The following DECR1 variants were observed in gnomAD, a reference collection of about 807,000 sequenced individuals.
DECR1 encodes the protein 2,4-dienoyl-CoA reductase [(3E)-enoyl-CoA-producing], mitochondrial.
In DECR1, 44 loss-of-function variants were observed where a neutral mutation model predicts 38.8. The observed-to-expected ratio is 1.13, with a 90% CI of 0.89 to 1.46. The LOEUF is 1.46. Among genes scored for constraint, DECR1 ranks in the 40% most tolerant of loss-of-function variants. DECR1 has a pLI of 0.00. For missense variants in DECR1, 428 were observed against 405.5 expected (o/e 1.06, Z -0.48); for synonymous variants, 148 against 135.2 (o/e 1.09, Z -0.66).
intron 2 of DECR1, among the ~76,000 whole-genome samples, chr8:90,017,692 G>A (rs1306857944): frequency 1.3e-5 from 2 of 152,172 alleles, no homozygotes; most frequent in Non-Finnish European, 2.9e-5. Context: ...GGGAAGCTGA[G>A]GCAGGAAGAT....
intron 7 of DECR1, among the ~76,000 whole-genome samples, chr8:90,043,644 A>T (rs1190856486): frequency 6.6e-6 from 1 of 152,218 alleles, no homozygotes; most frequent in East Asian, 1.9e-4. Flanking sequence ...ATTAAAAATA[A>T]CTTGGAAATG....
intron 6 of DECR1, among the ~76,000 whole-genome samples, chr8:90,038,883 G>A (rs944598298): frequency 3.9e-5 from 6 of 152,148 alleles, no homozygotes; most frequent in Middle Eastern, 3.2e-3. Context: ...CATTTTTTAA[G>A]GTCAGGTAGT....
chr8:90,001,648 C>G (rs1812614821), intron 1 of DECR1, 87 bp downstream of exon 1: 1 of 1,295,528 alleles, frequency 7.7e-7, no homozygotes, highest in Non-Finnish European at 1.1e-6. Context: ...GCTCGGGGAG[C>G]GAGGACAAGG....
At chr8:90,025,164 C>A (rs1229106285) in intron 5 of DECR1, among the ~76,000 whole-genome samples, 2 of 152,190 alleles carry the variant, frequency 1.3e-5, no homozygotes, top group African/African-American at 4.8e-5. Context: ...ATGATGCCTC[C>A]AGCTTTGTTC....
intron 1 of DECR1, chr8:90,005,625 T>C: frequency 2.7e-6 from 1 of 364,196 alleles, no homozygotes; most frequent in Admixed American, 3.7e-5. Flanking sequence ...CAAGGAGAAC[T>C]GTTCATACCC....
chr8:90,004,128 A>T (rs962421472), intron 1 of DECR1, among the ~76,000 whole-genome samples: 1 of 151,836 alleles, frequency 6.6e-6, no homozygotes, highest in Non-Finnish European at 1.5e-5. Flanking sequence ...TAACTATCCA[A>T]CCTGATCAAC....
intron 2 of DECR1, among the ~76,000 whole-genome samples, 164 bp downstream of exon 2, chr8:90,017,490 G>T (rs1813037987): frequency 6.6e-6 from 1 of 152,156 alleles, no homozygotes; most frequent in South Asian, 2.1e-4. Context: ...TTTGGAAAAA[G>T]TTAGGTACTA....
intron 4 of DECR1, among the ~76,000 whole-genome samples, chr8:90,019,766 C>G (rs1205240629): frequency 6.6e-6 from 1 of 152,200 alleles, no homozygotes; most frequent in Admixed American, 6.5e-5. Context: ...TGTTGAGAAG[C>G]ACCTATTTTC....
rs749805745 is a variant in DECR1 at position 90,018,995 on chromosome 8, G to T, written c.330+29G>T. On this transcript the variant is annotated intron_variant, in intron 3 of 9. Coordinates refer to ENST00000220764, the MANE Select transcript of DECR1 (RefSeq NM_001359.2). ...CATTAAAAATCAGTTATTTAATTTA[G>T]ATTTAGGAATTATAACATGTTCAAA... 2.5e-6 allele frequency: 4 copies of T among 1,579,352 alleles called. No homozygotes were observed. The South Asian group carries it at 4.5e-5, about 18-fold the overall frequency.
chr8:90,003,609 T>C (rs1016963264), intron 1 of DECR1, among the ~76,000 whole-genome samples: 1 of 152,214 alleles, frequency 6.6e-6, no homozygotes, highest in Non-Finnish European at 1.5e-5. Context: ...CTGCCTTCAA[T>C]GTACTATAGT....
At chr8:90,049,197 TAAA>T (rs1014908850) in intron 8 of DECR1, among the ~76,000 whole-genome samples, 1 of 152,026 alleles carries the variant, frequency 6.6e-6, no homozygotes, top group African/African-American at 2.4e-5. Context: ...GCAGGAGAAA[TAAA>T]TAAAGGGTAT....
chr8:90,029,374 G>C (rs1337119468), intron 5 of DECR1: 1 of 152,158 alleles, frequency 6.6e-6, no homozygotes, highest in Non-Finnish European at 1.5e-5. Flanking sequence ...AAGAACCTCA[G>C]AGAATTTAAA....
At chr8:90,005,739 A>T in intron 1 of DECR1, 1 of 311,784 alleles carries the variant, frequency 3.2e-6, no homozygotes, top group East Asian at 8.1e-5. Flanking sequence ...TGGGTAATTT[A>T]TAAAGAAAAG....
chr8:90,041,351 T>G (rs1399948589), intron 6 of DECR1, among the ~76,000 whole-genome samples: 1 of 152,190 alleles, frequency 6.6e-6, no homozygotes, highest in Non-Finnish European at 1.5e-5. Context: ...TTTAAGTTCT[T>G]TAAGTTCTTT....
intron 6 of DECR1, among the ~76,000 whole-genome samples, chr8:90,039,114 T>C (rs1813687671): frequency 6.6e-6 from 1 of 152,188 alleles, no homozygotes; most frequent in South Asian, 2.1e-4. Flanking sequence ...TCTCATACTT[T>C]ATAGTACACA....
At chr8:90,027,060 C>A (rs558793024) in intron 5 of DECR1, among the ~76,000 whole-genome samples, 1 of 151,938 alleles carries the variant, frequency 6.6e-6, no homozygotes, top group Admixed American at 6.6e-5. Flanking sequence ...CCTGAGTTGT[C>A]GTTTGATTGC....
intron 7 of DECR1, among the ~76,000 whole-genome samples, chr8:90,043,957 C>T (rs560331771): frequency 1.1e-4 from 16 of 152,238 alleles, no homozygotes; most frequent in East Asian, 3.9e-4. Flanking sequence ...ACTGTATCTA[C>T]GGGTACTGAG....
intron 5 of DECR1, among the ~76,000 whole-genome samples, chr8:90,031,328 C>G (rs1813488095): frequency 6.6e-6 from 1 of 152,094 alleles, no homozygotes; most frequent in South Asian, 2.1e-4. Flanking sequence ...GTTAAGTTTC[C>G]TCCAAGATAA....
chr8:90,004,193 C>T (rs1288591277), intron 1 of DECR1, among the ~76,000 whole-genome samples: 4 of 151,632 alleles, frequency 2.6e-5, no homozygotes, highest in Admixed American at 6.6e-5. Flanking sequence ...CGTGGTGGCG[C>T]GTGCCTGTAA....
Sources: gnomAD v4.1 joint callset for allele counts (sites outside exome capture counted in the v4.1 genomes callset) on GRCh38, gnomAD v4.1.1 for gene constraint, MANE v1.5 for transcripts, NCBI Gene and HGNC (gene_info 2026-07-23, HGNC 2026-07-21) for gene names.